Variants in RBFOX3 observed in about 807,000 individuals in gnomAD.
The protein encoded by RBFOX3 is RNA binding fox-1 homolog 3, also known as RNA binding protein fox-1 homolog 3.
A neutral mutation model predicts 48.7 loss-of-function variants in RBFOX3; 17 were observed. That is an observed-to-expected ratio of 0.35 (90% CI 0.24 to 0.52). The LOEUF is 0.52. Among genes scored for constraint, RBFOX3 ranks in the 20% least tolerant of loss-of-function variants. RBFOX3 has a pLI of 0.94. For missense variants in RBFOX3, 382 were observed against 497.5 expected (o/e 0.77, Z 2.21); for synonymous variants, 212 against 209.5 (o/e 1.01, Z -0.10).
chr17:79,189,740 G>A (rs2054094261), intron 4 of RBFOX3, among the ~76,000 whole-genome samples: 1 of 152,162 alleles, frequency 6.6e-6, no homozygotes, highest in Admixed American at 6.5e-5. Flanking sequence ...CACCAGCCCC[G>A]AGCCCTCCTG....
chr17:79,345,442 T>A (rs1051151086), intron 2 of RBFOX3, among the ~76,000 whole-genome samples: 8 of 152,228 alleles, frequency 5.3e-5, no homozygotes, highest in African/African-American at 1.9e-4. Flanking sequence ...GTCCTTCTTA[T>A]GAATAAGAAG....
intron 2 of RBFOX3, among the ~76,000 whole-genome samples, chr17:79,458,717 C>T (rs927098718): frequency 2.5e-4 from 38 of 152,048 alleles, no homozygotes; most frequent in African/African-American, 7.7e-4. Flanking sequence ...GCTTCCTGAG[C>T]GGAGGAGCAA....
intron 2 of RBFOX3, among the ~76,000 whole-genome samples, chr17:79,374,646 A>C (rs1476571361): frequency 6.6e-6 from 1 of 152,226 alleles, no homozygotes; most frequent in East Asian, 1.9e-4. Flanking sequence ...TACACGCTTG[A>C]GGCTCCGTTC....
At chr17:79,209,808 A>G (rs886876731) in intron 4 of RBFOX3, among the ~76,000 whole-genome samples, 2 of 151,902 alleles carry the variant, frequency 1.3e-5, no homozygotes, top group Admixed American at 6.6e-5. Flanking sequence ...CCTGGCTAAC[A>G]TGGTGAAACC....
intron 1 of RBFOX3, among the ~76,000 whole-genome samples, chr17:79,597,305 G>A (rs1219824391): frequency 2.6e-5 from 4 of 152,210 alleles, no homozygotes; most frequent in South Asian, 2.1e-4. Flanking sequence ...CAGGGACTCC[G>A]GTTTGCATTG....
At chr17:79,527,659 G>C (rs1348084988) in intron 1 of RBFOX3, among the ~76,000 whole-genome samples, 9 of 152,192 alleles carry the variant, frequency 5.9e-5, no homozygotes, top group Non-Finnish European at 1.2e-4. Context: ...GCAAATCAAG[G>C]GCTCCTCCAT....
chr17:79,356,907 C>T (rs939205062), intron 2 of RBFOX3, among the ~76,000 whole-genome samples: 28 of 152,330 alleles, frequency 1.8e-4, no homozygotes, highest in Admixed American at 7.2e-4. Flanking sequence ...CCCCCTCAGC[C>T]AGCTCCTGTC....
rs1403085500 is a variant in RBFOX3, at chr17:79,115,681, G to T, written c.35C>A (p.Pro12His). ...AQPYPPAQYP[P>H]PPQNGIPAEY... ...GGCAGGGATGCCGTTCTGTGGCGGA[G>T]GGGGGTACTGGGCGGGGGGGTAGGG... is the stretch of plus-strand genomic sequence containing the variant. Residue 12 changes from proline to histidine, a missense_variant, in exon 5 of 15, where the codon CCT becomes CAT. Around this residue, in one of 3 missense-constraint regions of RBFOX3, gnomAD observed 118 missense variants for 132.1 expected, o/e 0.89. Coordinates refer to ENST00000693108, the MANE Select transcript of RBFOX3 (RefSeq NM_001350451.2). The T allele has an allele frequency of 9.7e-7, 1 of 1,028,206 alleles. No individual in the cohort carries two copies. The highest frequency in any genetic ancestry group is 1.4e-6 in the Non-Finnish European group (1 of 718,630). 63.7% of individuals were successfully genotyped at this position (1,028,206 alleles called of 1,614,324 possible). A position where few individuals can be genotyped will look rare whatever the true frequency, so the allele number is the denominator to read the frequency against.
intron 5 of RBFOX3, among the ~76,000 whole-genome samples, chr17:79,113,716 G>A (rs780145359): frequency 9.2e-5 from 14 of 152,184 alleles, no homozygotes; most frequent in African/African-American, 1.4e-4. Context: ...GGCCTCTCAC[G>A]GGCAAGCCAG....
At chr17:79,410,445 G>T (rs148391402) in intron 2 of RBFOX3, among the ~76,000 whole-genome samples, 2 of 152,120 alleles carry the variant, frequency 1.3e-5, no homozygotes, top group Non-Finnish European at 1.5e-5. Flanking sequence ...TTTGCGGCAG[G>T]GGGGCGGTCA....
At chr17:79,650,921 G>T in the RBFOX3 span, among the ~76,000 whole-genome samples, 1 of 152,170 alleles carries the variant, frequency 6.6e-6, no homozygotes, top group South Asian at 2.1e-4. Flanking sequence ...TCTCGTGGGG[G>T]TGACAGGGTC....
intron 1 of RBFOX3, among the ~76,000 whole-genome samples, chr17:79,512,589 C>G (rs1329334259): frequency 6.7e-6 from 1 of 149,196 alleles, no homozygotes. Flanking sequence ...ATGTTACCAT[C>G]GGGTACAGCC....
the RBFOX3 span, among the ~76,000 whole-genome samples, chr17:79,659,393 G>A: frequency 1.3e-5 from 2 of 152,328 alleles, no homozygotes; most frequent in South Asian, 2.1e-4. Context: ...CTTTAAGGGG[G>A]TGACTTGGAT....
In RBFOX3 at chr17:79,573,405, G is replaced by A. The variant is rs889625845; in HGVS notation, c.-320+37421C>T. Reference sequence around the variant, plus strand: ...TATGCAGTCCCCAGCCGTGCTTTGAGGCCTTTCAATCTTGCAGGACCTCGT... The same window carrying A: ...TATGCAGTCCCCAGCCGTGCTTTGAAGCCTTTCAATCTTGCAGGACCTCGT... On this transcript the variant is annotated intron_variant, in intron 1 of 14. Coordinates refer to ENST00000693108, the MANE Select transcript of RBFOX3 (RefSeq NM_001350451.2). Among the ~76,000 whole-genome samples the A allele has an allele frequency of 9.8e-5, 15 of 152,314 alleles. No individual in the cohort carries two copies. In the South Asian group the frequency reaches 2.5e-3, roughly 25 times the overall value.
At chr17:79,185,659 G>A (rs1216124536) in intron 4 of RBFOX3, among the ~76,000 whole-genome samples, 6 of 152,148 alleles carry the variant, frequency 3.9e-5, no homozygotes, top group Non-Finnish European at 1.5e-5. Flanking sequence ...GATCCACCCT[G>A]CCTGTGAATC....
intron 1 of RBFOX3, among the ~76,000 whole-genome samples, chr17:79,574,430 A>C (rs2092788581): frequency 2.6e-5 from 4 of 152,132 alleles, no homozygotes; most frequent in African/African-American, 9.7e-5. Context: ...AGTCATCCTC[A>C]CTGCTCACTG....
the RBFOX3 span, among the ~76,000 whole-genome samples, chr17:79,653,271 G>A: frequency 4.4e-4 from 67 of 152,308 alleles, no homozygotes; most frequent in African/African-American, 1.5e-3. Flanking sequence ...TGCCTTAACA[G>A]TAACCTGTGA....
chr17:79,463,403 G>A (rs372237651), intron 2 of RBFOX3, among the ~76,000 whole-genome samples: 2 of 124,572 alleles, frequency 1.6e-5, no homozygotes, highest in Admixed American at 8.4e-5. Context: ...CATCGCCACC[G>A]CCACTTCCAC....
chr17:79,250,518 G>A (rs370392179), intron 3 of RBFOX3, among the ~76,000 whole-genome samples: 1 of 152,000 alleles, frequency 6.6e-6, no homozygotes, highest in East Asian at 1.9e-4. Flanking sequence ...CCGATCACTC[G>A]GCGTGGGCAG....
Sources: allele counts gnomAD v4.1 joint callset (sites outside exome capture counted in the v4.1 genomes callset), GRCh38; gene constraint gnomAD v4.1.1; regional missense constraint gnomAD v4.1.1; transcripts MANE v1.5; gene names NCBI Gene and HGNC (gene_info 2026-07-23, HGNC 2026-07-21).